The following LRRTM4 variants were observed in gnomAD, a reference collection of about 807,000 sequenced individuals.
LRRTM4 encodes the protein leucine-rich repeat transmembrane neuronal protein 4.
Under a neutral mutation model 47.6 loss-of-function variants are expected in LRRTM4, and 25 were observed. The ratio of observed to expected loss-of-function variants is 0.53; its 90% CI spans 0.38 to 0.73. LRRTM4 has a LOEUF of 0.73. LRRTM4 is among the 30% of genes least tolerant of loss of function. LRRTM4 has a pLI of 0.00. For missense variants in LRRTM4, 638 were observed against 713.4 expected, an observed-to-expected ratio of 0.89 and a Z score of 1.20; for synonymous variants, 311 against 269.5, an observed-to-expected ratio of 1.15 and a Z score of -1.51.
chr2:76,836,781 A>G (rs1344912752), intron 3 of LRRTM4, among the ~76,000 whole-genome samples: 2 of 152,110 alleles, frequency 1.3e-5, no homozygotes, highest in Admixed American at 6.6e-5. Context: ...AATACAGAAC[A>G]GAATATATTT....
At chr2:77,175,446 G>A (rs995452582) in intron 3 of LRRTM4, among the ~76,000 whole-genome samples, 15 of 152,160 alleles carry the variant, frequency 9.9e-5, no homozygotes, top group African/African-American at 3.1e-4. Flanking sequence ...TCCAGGGCTC[G>A]TGGCTCTGGA....
At chr2:77,092,844 C>A (rs982390094) in intron 3 of LRRTM4, among the ~76,000 whole-genome samples, 3 of 143,356 alleles carry the variant, frequency 2.1e-5, no homozygotes, top group Non-Finnish European at 4.4e-5. Context: ...TTCAGCGAAA[C>A]CTTTATATCC....
Position 77,288,927 on chromosome 2 carries a change from T to A in LRRTM4, c.1551+229391A>T, listed in dbSNP as rs904860017. ...CCACATTACTTGCTATCTGAAACAC[T>A]GGGAAAAAAAATTCATCAGTTAATG... On this transcript the variant is annotated intron_variant, in intron 3 of 3. Transcript: ENST00000409884. Among the ~76,000 whole-genome samples, 10 of 146,962 alleles carry A rather than the reference T, an allele frequency of 6.8e-5. No homozygotes were observed. In the South Asian group the frequency reaches 1.1e-3, roughly 16 times the overall value.
At chr2:77,144,540 G>A (rs1672206439) in intron 3 of LRRTM4, among the ~76,000 whole-genome samples, 2 of 152,276 alleles carry the variant, frequency 1.3e-5, no homozygotes, top group South Asian at 2.1e-4. Flanking sequence ...GTCCACAGAC[G>A]AAGCTATCTG....
chr2:76,894,149 T>C (rs543344499), intron 3 of LRRTM4, among the ~76,000 whole-genome samples: 5 of 152,122 alleles, frequency 3.3e-5, no homozygotes, highest in Middle Eastern at 3.4e-3. Context: ...TACTTGGGTA[T>C]TCAAAATTTT....
At chr2:77,015,076 T>TAATC (rs1246256029) in intron 3 of LRRTM4, among the ~76,000 whole-genome samples, 1 of 152,096 alleles carries the variant, frequency 6.6e-6, no homozygotes, top group African/African-American at 2.4e-5. Context: ...TGAGTCTGAT[T>TAATC]AGATCAGTAA....
chr2:76,783,906 A>T (rs1313977248), intron 3 of LRRTM4, among the ~76,000 whole-genome samples: 1 of 152,224 alleles, frequency 6.6e-6, no homozygotes, highest in Non-Finnish European at 1.5e-5. Flanking sequence ...TAAAATACTC[A>T]TAATAAAACT....
At chr2:77,033,351 G>A (rs550126966) in intron 3 of LRRTM4, among the ~76,000 whole-genome samples, 4 of 151,434 alleles carry the variant, frequency 2.6e-5, no homozygotes, top group East Asian at 3.9e-4. Context: ...AATCTTTATC[G>A]AAGTCTAACA....
At chr2:77,365,900 T>C (rs1208179791) in intron 3 of LRRTM4, among the ~76,000 whole-genome samples, 3 of 146,180 alleles carry the variant, frequency 2.1e-5, no homozygotes, top group Non-Finnish European at 4.5e-5. Context: ...TAATATTTAT[T>C]TTTCCTATAT....
chr2:77,265,127 A>T (rs1466073180), intron 3 of LRRTM4, among the ~76,000 whole-genome samples: 1 of 152,116 alleles, frequency 6.6e-6, no homozygotes, highest in African/African-American at 2.4e-5. Flanking sequence ...CATACAATAG[A>T]GGAAAAATGC....
intron 2 of LRRTM4, among the ~76,000 whole-genome samples, 189 bp downstream of exon 2, chr2:77,521,478 TA>T (rs113233659): frequency 0.27 from 40,089 of 148,970 alleles, 5,523 homozygotes; most frequent in Non-Finnish European, 0.3. Context: ...ATTTATAGAT[TA>T]AAAAAAAAAC....
intron 3 of LRRTM4, among the ~76,000 whole-genome samples, chr2:77,181,798 G>A (rs1198845304): frequency 1.3e-5 from 2 of 151,914 alleles, no homozygotes; most frequent in African/African-American, 2.4e-5. Flanking sequence ...AAATTATTTC[G>A]AAGTACACAT....
intron 3 of LRRTM4, among the ~76,000 whole-genome samples, chr2:77,418,287 C>T (rs1383991424): frequency 1.3e-5 from 2 of 152,060 alleles, no homozygotes; most frequent in African/African-American, 2.4e-5. Context: ...TCTAAAAATA[C>T]TATGTGACAT....
At chr2:76,809,918 T>A (rs941704961) in intron 3 of LRRTM4, among the ~76,000 whole-genome samples, 2 of 152,162 alleles carry the variant, frequency 1.3e-5, no homozygotes, top group African/African-American at 4.8e-5. Flanking sequence ...CCTCACTTTA[T>A]ACAGTTCCTA....
chr2:76,826,020 T>C (rs543357797), intron 3 of LRRTM4, among the ~76,000 whole-genome samples: 60 of 151,852 alleles, frequency 4.0e-4, no homozygotes, highest in Middle Eastern at 3.4e-3. Context: ...CTTGATAAAA[T>C]AGTTTCTTGG....
chr2:76,967,145 T>C (rs1237667212), intron 3 of LRRTM4, among the ~76,000 whole-genome samples: 2 of 149,396 alleles, frequency 1.3e-5, no homozygotes, highest in Non-Finnish European at 3.0e-5. Context: ...TCAGAATAAG[T>C]GCATTCCCTT....
intron 3 of LRRTM4, among the ~76,000 whole-genome samples, chr2:77,394,644 C>T (rs537831745): frequency 6.6e-6 from 1 of 151,816 alleles, no homozygotes; most frequent in Admixed American, 6.6e-5. Context: ...CAGGAGGAGC[C>T]GTGAATATTC....
rs1046555397 is a variant in LRRTM4, at chr2:77,147,224, C to G, written c.1551+371094G>C. 1.2e-4 allele frequency among the ~76,000 whole-genome samples: 19 copies of G among 152,302 alleles called. No individual in the cohort carries two copies. In the South Asian group the frequency reaches 3.7e-3, roughly 30 times the overall value. On this transcript the variant is annotated intron_variant, in intron 3 of 3. Coordinates refer to ENST00000409884, the MANE Select transcript of LRRTM4 (RefSeq NM_001134745.3). ...TTCATTGCTAATACAGTACAACACT[C>G]AAGTGCTCTTCGCTTAAGGAAGACA...
intron 3 of LRRTM4, among the ~76,000 whole-genome samples, chr2:76,795,514 T>G (rs537226793): frequency 5.3e-5 from 8 of 152,302 alleles, no homozygotes; most frequent in Admixed American, 5.2e-4. Flanking sequence ...ATTTAAAATA[T>G]GAGAGCACTA....
Sources: gnomAD v4.1 joint callset for allele counts (sites outside exome capture counted in the v4.1 genomes callset) on GRCh38, gnomAD v4.1.1 for gene constraint, MANE v1.5 for transcripts, NCBI Gene and HGNC (gene_info 2026-07-23, HGNC 2026-07-21) for gene names.